VDR: variants seen among roughly 807,000 people sequenced by gnomAD.
VDR encodes the protein vitamin D3 receptor.
Under a neutral mutation model 39.7 loss-of-function variants are expected in VDR, and 19 were observed. That is an observed-to-expected ratio of 0.48 (90% CI 0.33 to 0.70). VDR has a LOEUF of 0.70. Ranked by LOEUF, VDR falls within the 30% of genes least tolerant of loss-of-function variation. The pLI is 0.02. For synonymous variants in VDR, 242 were observed against 215.8 expected, an observed-to-expected ratio of 1.12 and a Z score of -1.07; for missense variants, 442 against 570.5, an observed-to-expected ratio of 0.77 and a Z score of 2.29.
chr12:47,857,319 A>G (rs1333696467), intron 5 of VDR, 70 bp from the exon 6 acceptor site: 12 of 1,612,496 alleles, frequency 7.4e-6, no homozygotes, highest in Admixed American at 1.7e-5. Context: ...CTGATCTCTG[A>G]TAGGAATGGC....
intron 1 of VDR, among the ~76,000 whole-genome samples, chr12:47,886,472 G>A (rs1474135519): frequency 6.6e-6 from 1 of 152,174 alleles, no homozygotes; most frequent in African/African-American, 2.4e-5. Flanking sequence ...AACAGTCTCA[G>A]TACCTCCCAG....
chr12:47,860,356 A>G (rs1033467218), intron 4 of VDR, among the ~76,000 whole-genome samples: 2 of 152,158 alleles, frequency 1.3e-5, no homozygotes, highest in African/African-American at 4.8e-5. Context: ...GACACCAAAT[A>G]TCAAATGCAT....
intron 2 of VDR, 60 bp downstream of exon 2, chr12:47,882,634 C>CCCCCCCCCCCCT: frequency 1.7e-6 from 1 of 598,242 alleles, no homozygotes; most frequent in Non-Finnish European, 2.9e-6. Flanking sequence ...CCCCTCCCCC[C>CCCCCCCCCCCCT]CACCCCGCCC....
intron 3 of VDR, among the ~76,000 whole-genome samples, chr12:47,872,780 A>G (rs957456502): frequency 6.6e-6 from 1 of 152,218 alleles, no homozygotes; most frequent in Non-Finnish European, 1.5e-5. Flanking sequence ...TGGTAGAGAA[A>G]AGGAAGAAAG....
intron 5 of VDR, 99 bp downstream of exon 5, chr12:47,857,403 CTG>C: frequency 6.2e-7 from 1 of 1,604,818 alleles, no homozygotes. Context: ...TACCCCAGTT[CTG>C]TTCAGGATGT....
At chr12:47,882,845 G>T in intron 1 of VDR, 71 bp from the exon 2 acceptor site, 2 of 1,241,972 alleles carry the variant, frequency 1.6e-6, no homozygotes, top group Non-Finnish European at 2.2e-6. Context: ...CTAAGGAAGT[G>T]GGCACGAGAG....
chr12:47,901,008 T>G (rs1230448523), intron 1 of VDR, among the ~76,000 whole-genome samples: 1 of 152,228 alleles, frequency 6.6e-6, no homozygotes, highest in Non-Finnish European at 1.5e-5. Flanking sequence ...CACAGAGTAC[T>G]GACTGCTTCT....
chr12:47,858,535 A>C (rs998279029), intron 4 of VDR, among the ~76,000 whole-genome samples: 3 of 152,242 alleles, frequency 2.0e-5, no homozygotes, highest in African/African-American at 7.2e-5. Flanking sequence ...GTGGGGCCAT[A>C]GAGAGCCCCA....
At position 47,848,555 on chromosome 12, in the gene VDR, C is replaced by CTTT. The variant is rs1162881183; in HGVS notation, c.756-1750_756-1748dup. Reference sequence around the variant, plus strand: ...CTCTTTACATGCTTGTTTTCTACTCCTTTTTTTTTTTTTTTTTTTTTTTTT... The same window carrying CTTT: ...CTCTTTACATGCTTGTTTTCTACTCCTTTTTTTTTTTTTTTTTTTTTTTTTTTT... On this transcript the variant is annotated intron_variant, in intron 7 of 9. Transcript: ENST00000549336. Among the ~76,000 whole-genome samples the CTTT allele has an allele frequency of 6.8e-3, 394 of 58,164 alleles. 61 individuals are homozygous for CTTT. The highest frequency in any genetic ancestry group is 0.015 in the Middle Eastern group (1 of 68). The allele number at this position is 58,164 out of a possible 152,430, so 38.2% of individuals were successfully genotyped here. A position where few individuals can be genotyped will look rare whatever the true frequency, so the allele number is the denominator to read the frequency against.
intron 1 of VDR, chr12:47,896,660 C>T (rs1946470319): frequency 6.6e-6 from 1 of 152,182 alleles, no homozygotes; most frequent in African/African-American, 2.4e-5. Flanking sequence ...GAATTAGTTC[C>T]ACTCCATTTC....
chr12:47,883,714 A>G (rs908596310), intron 1 of VDR, among the ~76,000 whole-genome samples: 11 of 152,228 alleles, frequency 7.2e-5, no homozygotes, highest in Non-Finnish European at 1.5e-4. Context: ...GTCAGACCCC[A>G]GATGGGGTAT....
chr12:47,894,381 T>G (rs1034776977), intron 1 of VDR, among the ~76,000 whole-genome samples: 8 of 152,334 alleles, frequency 5.3e-5, no homozygotes, highest in South Asian at 2.1e-4. Context: ...ATGGACTAGC[T>G]CAGAACCTAG....
At chr12:47,873,394 G>GCT (rs1346879559) in intron 3 of VDR, among the ~76,000 whole-genome samples, 2 of 118,532 alleles carry the variant, frequency 1.7e-5, no homozygotes, top group African/African-American at 6.4e-5. Flanking sequence ...ACGGAGTCTC[G>GCT]CTGTCGCCCA....
intron 4 of VDR, among the ~76,000 whole-genome samples, chr12:47,862,319 A>C (rs1284601513): frequency 6.6e-6 from 1 of 152,198 alleles, no homozygotes; most frequent in East Asian, 1.9e-4. Context: ...CAATGGAGTG[A>C]GCTCCGACCC....
intron 3 of VDR, among the ~76,000 whole-genome samples, chr12:47,876,032 C>G (rs1945993885): frequency 6.6e-6 from 1 of 152,086 alleles, no homozygotes; most frequent in South Asian, 2.1e-4. Context: ...CAAAAAAAGG[C>G]AAAAAATGTA....
chr12:47,882,787 A>AG lies in VDR; in HGVS notation c.-83-14dup. ...GACCCAAAGGCTTCTGAAATGAAGA[A>AG]GGGGAAACCTTTTATCTAAGGCGGA... On this transcript the variant is annotated splice_polypyrimidine_tract_variant and intron_variant, in intron 1 of 9. Coordinates refer to ENST00000549336, the MANE Select transcript of VDR (RefSeq NM_000376.3). 6.5e-7 allele frequency: 1 copy of AG among 1,534,134 alleles called. No individual in the cohort carries two copies. Among genetic ancestry groups the AG allele is most frequent in the Non-Finnish European group, 8.7e-7 (1 of 1,145,500 alleles).
chr12:47,853,838 C>A (rs550882948), intron 7 of VDR, among the ~76,000 whole-genome samples: 1 of 152,164 alleles, frequency 6.6e-6, no homozygotes, highest in Non-Finnish European at 1.5e-5. Flanking sequence ...AGGAGAATTG[C>A]TTGAACCTGG....
At chr12:47,877,981 A>G (rs1338878269) in intron 3 of VDR, among the ~76,000 whole-genome samples, 1 of 152,144 alleles carries the variant, frequency 6.6e-6, no homozygotes, top group African/African-American at 2.4e-5. Flanking sequence ...GTTGACAGAG[A>G]GACCCCAAGT....
intron 4 of VDR, among the ~76,000 whole-genome samples, chr12:47,859,658 G>A (rs550542098): frequency 6.6e-5 from 10 of 152,138 alleles, no homozygotes; most frequent in Non-Finnish European, 1.3e-4. Context: ...TACATATTTA[G>A]TCTTTCCCAC....
Sources: gnomAD v4.1 joint callset for allele counts (sites outside exome capture counted in the v4.1 genomes callset) on GRCh38, gnomAD v4.1.1 for gene constraint, MANE v1.5 for transcripts, NCBI Gene and HGNC (gene_info 2026-07-23, HGNC 2026-07-21) for gene names.